The following XIRP2 variants were observed in gnomAD, a reference collection of about 807,000 sequenced individuals.
The protein encoded by XIRP2 is xin actin binding repeat containing 2.
Under a neutral mutation model 277.0 loss-of-function variants are expected in XIRP2, and 236 were observed. The observed-to-expected ratio is 0.85, with a 90% CI of 0.77 to 0.95. The LOEUF (loss-of-function observed/expected upper bound fraction) is 0.95. XIRP2 is among the 40% of genes least tolerant of loss of function. XIRP2 has a pLI of 0.00. For synonymous variants in XIRP2, 1,490 were observed against 1,416.5 expected, an observed-to-expected ratio of 1.05 and a Z score of -1.17; for missense variants, 4,640 against 4,157.5, an observed-to-expected ratio of 1.12 and a Z score of -3.19.
chr2:167,259,109 A>C lies in XIRP2; in HGVS notation c.*1292A>C, dbSNP rs1196465087. On this transcript the variant is annotated 3_prime_UTR_variant, in exon 11 of 11. Coordinates refer to ENST00000409195, the MANE Select transcript of XIRP2 (RefSeq NM_152381.6). ...TTCCAAGAAAAATGAGAACATTTTC[A>C]ATTGTGATTTAATAGATTCTGTAGA... 6.2e-7 allele frequency: 1 copy of C among 1,611,606 alleles called. No homozygotes were observed. The highest frequency in any genetic ancestry group is 1.3e-5 in the African/African-American group (1 of 74,942).
intron 8 of XIRP2, 93 bp from the exon 9 acceptor site, chr2:167,242,476 A>G (rs1695100779): frequency 2.3e-6 from 3 of 1,292,854 alleles, no homozygotes; most frequent in Admixed American, 4.6e-5. Flanking sequence ...ATATCATAGG[A>G]GGGTCCAGGT....
In XIRP2 at chr2:167,243,529, G is replaced by T. The variant is rs1407210638; in HGVS notation, c.2137G>T (p.Val713Phe). The T allele has an allele frequency of 5.6e-6, 9 of 1,614,020 alleles. No individual in the cohort carries two copies. Among genetic ancestry groups the T allele is most frequent in the Non-Finnish European group, 6.8e-6 (8 of 1,179,974 alleles). Residue 713 changes from valine to phenylalanine, a missense_variant, in exon 9 of 11, where the codon GTT becomes TTT. Transcript: ENST00000409195. The part of the protein sequence containing the change: ...QLGQLHSVDE[V>F]HLLQLRSELK... ...TGGACAGCTTCATTCAGTGGATGAG[G>T]TTCATTTACTGCAGCTTAGGTCTGA...
chr2:167,097,744 G>A (rs771183311), intron 2 of XIRP2, among the ~76,000 whole-genome samples: 1 of 151,712 alleles, frequency 6.6e-6, no homozygotes, highest in Non-Finnish European at 1.5e-5. Context: ...ATAAGGCCTG[G>A]TATGACAAAA....
chr2:166,901,965 G>C (rs1440387395), intron 1 of XIRP2, among the ~76,000 whole-genome samples: 1 of 152,094 alleles, frequency 6.6e-6, no homozygotes, highest in Non-Finnish European at 1.5e-5. Flanking sequence ...GTTTTAGCCA[G>C]AGATAGAGCT....
chr2:166,946,945 A>C (rs562444260), intron 2 of XIRP2, among the ~76,000 whole-genome samples: 2 of 152,260 alleles, frequency 1.3e-5, no homozygotes, highest in South Asian at 4.1e-4. Flanking sequence ...AATTATCTAA[A>C]ACTTACAGAT....
At chr2:167,223,603 A>G (rs1694497586) in intron 5 of XIRP2, among the ~76,000 whole-genome samples, 2 of 152,306 alleles carry the variant, frequency 1.3e-5, no homozygotes, top group South Asian at 4.1e-4. Context: ...CAAACTAAAT[A>G]TATTTTTATC....
At chr2:167,185,083 A>T (rs1693118839) in intron 3 of XIRP2, among the ~76,000 whole-genome samples, 1 of 152,180 alleles carries the variant, frequency 6.6e-6, no homozygotes, top group Non-Finnish European at 1.5e-5. Flanking sequence ...TAGTGTCTAA[A>T]ACCACTGTAA....
chr2:166,939,693 AAAAAACAAAAAACAAAAAC>A (rs1685638379), intron 2 of XIRP2, among the ~76,000 whole-genome samples: 1 of 133,450 alleles, frequency 7.5e-6, no homozygotes, highest in African/African-American at 2.7e-5. Flanking sequence ...AAAAAAAAAA[AAAAAACAAAAAACAAAAAC>A]AAAAAACAAA....
chr2:166,913,755 G>A (rs1684783608), intron 2 of XIRP2, among the ~76,000 whole-genome samples: 1 of 152,192 alleles, frequency 6.6e-6, no homozygotes, highest in Admixed American at 6.5e-5. Flanking sequence ...AATAATTGCA[G>A]CCATTTTGCA....
In XIRP2 at chr2:167,246,606, TGA is replaced by T. The variant is rs1476739389; in HGVS notation, c.5220_5221del (p.Gly1741LysfsTer26). ...ISERAKIDAS[E>X]RGNVQFFTTC... is the part of the protein sequence containing the mutation. Reference sequence around the variant, plus strand: ...CTGAAAGGGCTAAAATTGATGCCTCTGAGAGAGGAAATGTTCAGTTTTTCACA... The same window carrying T: ...CTGAAAGGGCTAAAATTGATGCCTCTGAGAGGAAATGTTCAGTTTTTCACA... On this transcript the variant is annotated frameshift_variant, in exon 9 of 11. Transcript: ENST00000409195. LOFTEE classifies it high-confidence loss of function. 14 of 1,613,678 alleles carry T rather than the reference TGA, an allele frequency of 8.7e-6. No homozygotes were observed. The highest frequency in any genetic ancestry group is 1.2e-5 in the Non-Finnish European group (14 of 1,179,858).
Position 167,258,570 on chromosome 2 carries a change from A to G in XIRP2, c.*753A>G. The G allele has an allele frequency of 6.2e-7, 1 of 1,613,182 alleles. No individual in the cohort carries two copies. The highest frequency in any genetic ancestry group is 8.5e-7 in the Non-Finnish European group (1 of 1,179,584). On this transcript the variant is annotated 3_prime_UTR_variant, in exon 11 of 11. Coordinates refer to ENST00000409195, the MANE Select transcript of XIRP2 (RefSeq NM_152381.6). ...CAGAGTGCTGAAAAGGAGAAAAATG[A>G]AAAAACTAACCAAACTAATGGTGCA...
rs1375915849 is a variant in XIRP2, at chr2:167,246,511, G to A, written c.5119G>A (p.Glu1707Lys). 6.2e-7 allele frequency: 1 copy of A among 1,613,650 alleles called. No individual in the cohort carries two copies. The highest frequency in any genetic ancestry group is 1.1e-5 in the South Asian group (1 of 91,032). The change falls in exon 9 of 11, where the codon GAA becomes AAA. Residue 1707 changes from glutamate (E) to lysine (K), a missense_variant. Physicochemically the swap from Glu to Lys is moderately conservative, Grantham distance 56. Coordinates refer to ENST00000409195, the MANE Select transcript of XIRP2 (RefSeq NM_152381.6). ...ENDGDTIERE[E>K]VIGGDVKRTI... Reference sequence around the variant, plus strand: ...TGATGGTGACACAATTGAGCGTGAAGAAGTAATAGGTGGTGATGTCAAACG... The same window carrying A: ...TGATGGTGACACAATTGAGCGTGAAAAAGTAATAGGTGGTGATGTCAAACG...
At chr2:167,102,846 AAATG>A (rs1690520839) in intron 2 of XIRP2, among the ~76,000 whole-genome samples, 1 of 152,176 alleles carries the variant, frequency 6.6e-6, no homozygotes, top group Non-Finnish European at 1.5e-5. Flanking sequence ...TTTTGTTTCT[AAATG>A]AATGATTTTT....
At chr2:167,231,900 C>A (rs140739740) in intron 5 of XIRP2, among the ~76,000 whole-genome samples, 6 of 152,030 alleles carry the variant, frequency 3.9e-5, no homozygotes, top group African/African-American at 1.4e-4. Flanking sequence ...TGTCTGGGGC[C>A]GGTGGCAGCA....
intron 2 of XIRP2, among the ~76,000 whole-genome samples, chr2:166,930,362 C>A (rs1002241856): frequency 1.3e-5 from 2 of 152,038 alleles, no homozygotes; most frequent in Non-Finnish European, 2.9e-5. Context: ...TCTGAAACAG[C>A]GTGTTAATGA....
At chr2:167,022,155 C>T (rs921359186) in intron 2 of XIRP2, among the ~76,000 whole-genome samples, 6 of 152,008 alleles carry the variant, frequency 3.9e-5, no homozygotes, top group Non-Finnish European at 7.4e-5. Context: ...TCCTAAAACA[C>T]GTTAAGGAAG....
At chr2:167,004,899 G>T (rs1687467017) in intron 2 of XIRP2, among the ~76,000 whole-genome samples, 1 of 151,824 alleles carries the variant, frequency 6.6e-6, no homozygotes, top group South Asian at 2.1e-4. Flanking sequence ...TCCTAACATT[G>T]TTTCCTTATA....
intron 3 of XIRP2, among the ~76,000 whole-genome samples, chr2:167,201,596 A>G (rs1693724032): frequency 6.6e-6 from 1 of 152,034 alleles, no homozygotes; most frequent in Admixed American, 6.6e-5. Flanking sequence ...CTTAAGTTTG[A>G]TCTCTATGGT....
intron 2 of XIRP2, among the ~76,000 whole-genome samples, chr2:167,107,565 A>G (rs1690647804): frequency 6.6e-6 from 1 of 151,666 alleles, no homozygotes; most frequent in Non-Finnish European, 1.5e-5. Context: ...CAGTTATAGT[A>G]TATACCTATT....
Sources: allele counts gnomAD v4.1 joint callset (sites outside exome capture counted in the v4.1 genomes callset), GRCh38; gene constraint gnomAD v4.1.1; transcripts MANE v1.5; gene names NCBI Gene and HGNC (gene_info 2026-07-23, HGNC 2026-07-21).